Variants in GRIK2 observed in about 807,000 individuals in gnomAD.
The protein encoded by GRIK2 is glutamate ionotropic receptor kainate type subunit 2.
A neutral mutation model predicts 100.3 loss-of-function variants in GRIK2; 32 were observed. The observed-to-expected ratio is 0.32, with a 90% CI of 0.24 to 0.43. The LOEUF (loss-of-function observed/expected upper bound fraction) is 0.43, where lower values mean the gene tolerates loss of function less well. Ranked by LOEUF, GRIK2 falls within the 20% of genes least tolerant of loss-of-function variation. The pLI, the probability that GRIK2 is intolerant of heterozygous loss-of-function variation, is 1.00. For synonymous variants in GRIK2, 417 were observed against 389.4 expected, an observed-to-expected ratio of 1.07 and a Z score of -0.83; for missense variants, 843 against 1,114.9, an observed-to-expected ratio of 0.76 and a Z score of 3.47.
chr6:101,973,552 A>G (rs911105741), intron 14 of GRIK2, among the ~76,000 whole-genome samples: 1 of 151,892 alleles, frequency 6.6e-6, no homozygotes, highest in Admixed American at 6.6e-5. Flanking sequence ...TAGAATCACT[A>G]TGATATTTTG....
At chr6:101,796,401 C>T (rs747990487) in intron 7 of GRIK2, among the ~76,000 whole-genome samples, 2 of 152,060 alleles carry the variant, frequency 1.3e-5, no homozygotes, top group Non-Finnish European at 2.9e-5. Flanking sequence ...ATAAGAGAAA[C>T]CACATTTCTG....
chr6:101,941,223 AATACAT>A (rs1184008175), intron 14 of GRIK2, among the ~76,000 whole-genome samples: 1 of 152,080 alleles, frequency 6.6e-6, no homozygotes, highest in Non-Finnish European at 1.5e-5. Flanking sequence ...CTAGTTTAAA[AATACAT>A]ATGGGCAAAT....
chr6:101,859,452 A>G lies in GRIK2; in HGVS notation c.1483A>G (p.Asn495Asp), dbSNP rs968633446. 2.5e-6 allele frequency: 4 copies of G among 1,608,740 alleles called. No individual in the cohort carries two copies. Among genetic ancestry groups the G allele is most frequent in the Non-Finnish European group, 2.6e-6 (3 of 1,175,806 alleles). ...DGKYGAQDDA[N>D]GQWNGMVREL... is the part of the protein sequence containing the mutation. ...GAAATATGGAGCCCAGGATGATGCC[A>G]ATGGACAATGGAATGGAATGGTTCG... Residue 495 changes from asparagine (N) to aspartate (D), a missense_variant, in exon 11 of 17, where the codon AAT (asparagine) becomes GAT (aspartate). By Grantham distance (23) the Asn-to-Asp change is conservative. Around this residue, in one of 3 missense-constraint regions of GRIK2, gnomAD observed 519 missense variants for 643.8 expected, o/e 0.81. Transcript: ENST00000369134.
At chr6:101,975,051 T>A (rs1056894617) in intron 14 of GRIK2, among the ~76,000 whole-genome samples, 1 of 152,030 alleles carries the variant, frequency 6.6e-6, no homozygotes, top group Admixed American at 6.6e-5. Flanking sequence ...TTTGTTTCTT[T>A]CTTTTATATA....
chr6:101,786,706 G>A (rs1021459021), intron 7 of GRIK2, among the ~76,000 whole-genome samples: 24 of 151,926 alleles, frequency 1.6e-4, no homozygotes, highest in African/African-American at 5.3e-4. Flanking sequence ...GTTTTGTTGA[G>A]GATTTTTACA....
Position 102,027,893 on chromosome 6 carries a change from GA to G in GRIK2, c.2086-7444del, listed in dbSNP as rs1484314948. Among the ~76,000 whole-genome samples the G allele has an allele frequency of 1.0e-4, 15 of 150,498 alleles. No individual in the cohort carries two copies. The Admixed American group carries it at 1.0e-3, about 10-fold the overall frequency. ...GTCAAATATGTTGCTCCCAGTAAAA[GA>G]AAAGAAGATCTATGCAAGTGGTTCA... is the stretch of plus-strand genomic sequence containing the variant. On this transcript the variant is annotated intron_variant, in intron 14 of 16. Transcript: ENST00000369134.
chr6:101,665,033 G>C (rs572284726), intron 4 of GRIK2, among the ~76,000 whole-genome samples: 1 of 152,166 alleles, frequency 6.6e-6, no homozygotes, highest in Non-Finnish European at 1.5e-5. Flanking sequence ...TGAGATTTGC[G>C]TGGGGACACA....
chr6:101,771,881 G>A (rs1426588547), intron 7 of GRIK2, among the ~76,000 whole-genome samples: 3 of 151,986 alleles, frequency 2.0e-5, no homozygotes, highest in South Asian at 2.1e-4. Context: ...TTTTATGGCT[G>A]CATAGTATTC....
chr6:101,766,190 T>C (rs559520517), intron 7 of GRIK2, among the ~76,000 whole-genome samples: 4 of 152,070 alleles, frequency 2.6e-5, no homozygotes, highest in Admixed American at 2.0e-4. Flanking sequence ...ATTCCACTTA[T>C]GTTTATAATA....
intron 9 of GRIK2, among the ~76,000 whole-genome samples, chr6:101,816,210 C>T (rs574019505): frequency 6.6e-6 from 1 of 151,398 alleles, no homozygotes; most frequent in Non-Finnish European, 1.5e-5. Flanking sequence ...CATTACACAT[C>T]TGAAAATCTT....
At chr6:101,547,491 C>T (rs1406436522) in intron 2 of GRIK2, among the ~76,000 whole-genome samples, 1 of 152,154 alleles carries the variant, frequency 6.6e-6, no homozygotes, top group Non-Finnish European at 1.5e-5. Flanking sequence ...CACAACAGGA[C>T]CCAGTCTGTG....
intron 2 of GRIK2, among the ~76,000 whole-genome samples, chr6:101,502,254 C>T (rs1044059828): frequency 1.1e-4 from 17 of 152,070 alleles, no homozygotes; most frequent in Admixed American, 7.9e-4. Context: ...AAGGTACATT[C>T]CCATTGAGTC....
chr6:101,883,189 C>A lies in GRIK2; in HGVS notation c.1525-6451C>A, dbSNP rs533558492. On this transcript the variant is annotated intron_variant, in intron 11 of 16. Transcript: ENST00000369134. ...AAATATCCCTACCTTTACTACTATG[C>A]GGTCTTTACAACAAAAATGACCCAA... 1.6e-3 allele frequency among the ~76,000 whole-genome samples: 244 copies of A among 150,872 alleles called. 3 individuals are homozygous for A. The highest frequency in any genetic ancestry group is 5.6e-3 in the African/African-American group (231 of 41,146).
At chr6:101,774,159 C>T (rs892957854) in intron 7 of GRIK2, among the ~76,000 whole-genome samples, 25 of 151,976 alleles carry the variant, frequency 1.6e-4, no homozygotes, top group Non-Finnish European at 3.2e-4. Context: ...AACTCATGGA[C>T]CTAAATTTCT....
At chr6:101,585,900 A>G (rs1008981948) in intron 2 of GRIK2, among the ~76,000 whole-genome samples, 3 of 152,172 alleles carry the variant, frequency 2.0e-5, no homozygotes, top group African/African-American at 7.2e-5. Flanking sequence ...AAGCTAACAT[A>G]AAATTTTTCC....
chr6:101,890,583 A>G (rs1786985575), intron 12 of GRIK2, among the ~76,000 whole-genome samples: 1 of 152,118 alleles, frequency 6.6e-6, no homozygotes, highest in Non-Finnish European at 1.5e-5. Context: ...ATAAAAATTA[A>G]GAAAAAATGC....
intron 4 of GRIK2, among the ~76,000 whole-genome samples, chr6:101,650,193 T>TA (rs1472256801): frequency 1.3e-5 from 2 of 152,226 alleles, no homozygotes; most frequent in East Asian, 3.9e-4. Flanking sequence ...TGCAAAGGTT[T>TA]AAAATACTAA....
chr6:101,759,108 G>A (rs1032332569), intron 7 of GRIK2, among the ~76,000 whole-genome samples: 2 of 152,110 alleles, frequency 1.3e-5, no homozygotes, highest in Non-Finnish European at 2.9e-5. Context: ...ATATCAAGTA[G>A]CATATTAAAA....
chr6:101,813,142 T>TACAC lies in GRIK2; in HGVS notation c.1204-5212_1204-5209dup, dbSNP rs771949838. 6.7e-5 allele frequency among the ~76,000 whole-genome samples: 10 copies of TACAC among 150,224 alleles called. No homozygotes were observed. In the East Asian group the frequency reaches 1.6e-3, roughly 23 times the overall value. Reference sequence around the variant, plus strand: ...ATAGACATATGTAAACATCCACATATACACACACACACACACACATATACA... The same window carrying TACAC: ...ATAGACATATGTAAACATCCACATATACACACACACACACACACACACATATACA... On this transcript the variant is annotated intron_variant, in intron 9 of 16. Transcript: ENST00000369134.
Sources: gnomAD v4.1 joint callset for allele counts (sites outside exome capture counted in the v4.1 genomes callset) on GRCh38, gnomAD v4.1.1 for gene constraint, gnomAD v4.1.1 regional missense constraint, MANE v1.5 for transcripts, NCBI Gene and HGNC (gene_info 2026-07-23, HGNC 2026-07-21) for gene names.